Variants in MRPL49 observed in about 807,000 individuals in gnomAD.
MRPL49 encodes the protein large ribosomal subunit protein mL49.
In MRPL49, 14 loss-of-function variants were observed where a neutral mutation model predicts 18.4. The ratio of observed to expected loss-of-function variants is 0.76; its 90% CI spans 0.50 to 1.19. MRPL49 has a LOEUF of 1.19. Among genes scored for constraint, MRPL49 ranks in the 50% most tolerant of loss-of-function variants. The pLI, the probability that MRPL49 is intolerant of heterozygous loss-of-function variation, is 0.00. For missense variants in MRPL49, 190 were observed against 217.8 expected (o/e 0.87, Z 0.80); for synonymous variants, 104 against 86.2 (o/e 1.21, Z -1.14).
chr11:65,126,849 T>TC lies in MRPL49; in HGVS notation c.*982dup. 1 of 574,758 alleles carries TC rather than the reference T, an allele frequency of 1.7e-6. No individual in the cohort carries two copies. Among genetic ancestry groups the TC allele is most frequent in the Non-Finnish European group, 3.1e-6 (1 of 323,860 alleles). 35.6% of individuals were successfully genotyped at this position (574,758 alleles called of 1,614,324 possible). On this transcript the variant is annotated 3_prime_UTR_variant, in exon 4 of 4. Coordinates refer to ENST00000279242, the MANE Select transcript of MRPL49 (RefSeq NM_004927.4). The stretch of plus-strand genomic sequence containing the variant: ...GGAACTCACAGCCAGCATAGGGACA[T>TC]CCCCCTGCAGCCTTCTGACCTGCAA...
At chr11:65,122,644 A>G (rs936872365) in intron 1 of MRPL49, among the ~76,000 whole-genome samples, 24 of 151,992 alleles carry the variant, frequency 1.6e-4, no homozygotes, top group African/African-American at 4.8e-4. Flanking sequence ...CAGTGTCTAT[A>G]TAAGCCACAA....
chr11:65,122,360 T>A lies in MRPL49; in HGVS notation c.14T>A (p.Met5Lys). Residue 5 changes from methionine (M) to lysine (K), a missense_variant, in exon 1 of 4, where the codon ATG becomes AAG. Physicochemically the swap from Met to Lys is moderately conservative, Grantham distance 95 (BLOSUM62 -1). Transcript: ENST00000279242. MAATMFRATLRGWRT... is the reference protein window; with the variant it reads MAATKFRATLRGWRT... ...TAGCAGGTAAAGATGGCAGCTACCA[T>A]GTTCCGGGCTACGCTGCGGGGATGG... 6.2e-7 allele frequency: 1 copy of A among 1,612,962 alleles called. No individual in the cohort carries two copies. Among genetic ancestry groups the A allele is most frequent in the East Asian group, 2.2e-5 (1 of 44,846 alleles).
Position 65,126,076 on chromosome 11 carries a change from A to G in MRPL49, c.*204A>G. The G allele has an allele frequency of 1.9e-6, 1 of 525,956 alleles. No individual in the cohort carries two copies. The highest frequency in any genetic ancestry group is 3.3e-5 in the East Asian group (1 of 30,258). 32.6% of individuals were successfully genotyped at this position (525,956 alleles called of 1,614,324 possible). A position where few individuals can be genotyped will look rare whatever the true frequency, so the allele number is the denominator to read the frequency against. ...GGAGAGTGCCTAATGTGGGAGACCA[A>G]ATAGGGATCACCAGGCTAATGGGGG... is the stretch of plus-strand genomic sequence containing the variant. On this transcript the variant is annotated 3_prime_UTR_variant, in exon 4 of 4. Coordinates refer to ENST00000279242, the MANE Select transcript of MRPL49 (RefSeq NM_004927.4).
rs1210124814 is a variant in MRPL49 at position 65,126,124 on chromosome 11, C to G, written c.*252C>G. 2 of 407,354 alleles carry G rather than the reference C, an allele frequency of 4.9e-6. No homozygotes were observed. Among genetic ancestry groups the G allele is most frequent in the East Asian group, 8.6e-5 (2 of 23,324 alleles). The allele number at this position is 407,354 out of a possible 1,614,324, so 25.2% of individuals were successfully genotyped here. Reference sequence around the variant, plus strand: ...GGGGCGTCAGCAGCTTTCTCTCCCTCCTATCTTGGCCTGTTCTTTTTTGTT... The same window carrying G: ...GGGGCGTCAGCAGCTTTCTCTCCCTGCTATCTTGGCCTGTTCTTTTTTGTT... On this transcript the variant is annotated 3_prime_UTR_variant, in exon 4 of 4. Coordinates refer to ENST00000279242, the MANE Select transcript of MRPL49 (RefSeq NM_004927.4).
At chr11:65,122,506 G>A (rs1948062128) in intron 1 of MRPL49, 82 bp downstream of exon 1, 2 of 1,355,960 alleles carry the variant, frequency 1.5e-6, no homozygotes, top group Non-Finnish European at 2.0e-6. Flanking sequence ...GAAAACTAAG[G>A]CATTCCTACT....
At chr11:65,122,556 TC>T in intron 1 of MRPL49, 132 bp downstream of exon 1, 1 of 789,780 alleles carries the variant, frequency 1.3e-6, no homozygotes, top group Non-Finnish European at 2.0e-6. Flanking sequence ...GGAGAACTTG[TC>T]CCGAGTGTAC....
In MRPL49 at chr11:65,125,758, C is replaced by T. The variant is rs202100154; in HGVS notation, c.387C>T (p.Ser129=). 8.9e-4 allele frequency: 1,432 copies of T among 1,613,696 alleles called. 14 individuals carry two copies. The South Asian group carries it at 0.013, about 15-fold the overall frequency. Residue 129 remains serine (S), a synonymous_variant, in exon 4 of 4, where the codon AGC becomes AGT. Transcript: ENST00000279242. ...ALQKDVEDFL[S]PLLGKTPVTQ... Reference sequence around the variant, plus strand: ...AGAAAGACGTGGAAGATTTTCTGAGCCCGCTGCTGGGGAAGACACCTGTCA... The same window carrying T: ...AGAAAGACGTGGAAGATTTTCTGAGTCCGCTGCTGGGGAAGACACCTGTCA...
intron 1 of MRPL49, among the ~76,000 whole-genome samples, chr11:65,123,076 A>T (rs1455815534): frequency 6.6e-6 from 1 of 152,166 alleles, no homozygotes; most frequent in African/African-American, 2.4e-5. Flanking sequence ...CCCGTCACAG[A>T]TGTGATTAGG....
intron 1 of MRPL49, among the ~76,000 whole-genome samples, chr11:65,124,075 A>T (rs937355207): frequency 6.6e-6 from 1 of 151,986 alleles, no homozygotes; most frequent in African/African-American, 2.4e-5. Context: ...TTCAGTAGAG[A>T]TGGGGTTTCG....
rs970704813 is a variant in MRPL49, at chr11:65,127,233, G to A, written c.*1361G>A. 15 of 531,974 alleles carry A rather than the reference G, an allele frequency of 2.8e-5. No individual in the cohort carries two copies. Among genetic ancestry groups the A allele is most frequent in the Non-Finnish European group, 3.7e-5 (11 of 301,026 alleles). The allele number at this position is 531,974 out of a possible 1,614,324, so 33.0% of individuals were successfully genotyped here. A position where few individuals can be genotyped will look rare whatever the true frequency, so the allele number is the denominator to read the frequency against. On this transcript the variant is annotated 3_prime_UTR_variant, in exon 4 of 4. Transcript: ENST00000279242. ...TTTTCAAGTGTACAGCCACAGCAAG[G>A]AGCCCGACACTGATTTGATCGATTC...
rs1948099195 is a variant in MRPL49 at position 65,126,140 on chromosome 11, C to A, written c.*268C>A. ...TCTCTCCCTCCTATCTTGGCCTGTT[C>A]TTTTTTGTTTTTTGAGACGGAGTCT... On this transcript the variant is annotated 3_prime_UTR_variant, in exon 4 of 4. Transcript: ENST00000279242. 1.1e-5 allele frequency: 4 copies of A among 356,334 alleles called. No individual in the cohort carries two copies. The highest frequency in any genetic ancestry group is 2.1e-5 in the African/African-American group (1 of 47,174). The allele number at this position is 356,334 out of a possible 1,614,324, so 22.1% of individuals were successfully genotyped here.
intron 1 of MRPL49, among the ~76,000 whole-genome samples, chr11:65,122,706 T>G (rs1490101079): frequency 1.3e-5 from 2 of 149,382 alleles, no homozygotes; most frequent in Non-Finnish European, 3.0e-5. Context: ...TGGGGAATTA[T>G]GATTGCCTTA....
At chr11:65,124,238 T>G (rs1385435277) in intron 1 of MRPL49, among the ~76,000 whole-genome samples, 1 of 152,142 alleles carries the variant, frequency 6.6e-6, no homozygotes, top group Non-Finnish European at 1.5e-5. Flanking sequence ...AGGCTGTGGT[T>G]TTTGCAGTCT....
chr11:65,124,359 TTC>T, intron 1 of MRPL49, 141 bp from the exon 2 acceptor site: 3 of 823,320 alleles, frequency 3.6e-6, no homozygotes, highest in Non-Finnish European at 5.8e-6. Context: ...TCCATTTTGA[TTC>T]TGATAGCTTT....
intron 1 of MRPL49, among the ~76,000 whole-genome samples, chr11:65,124,193 A>G (rs1176270033): frequency 7.9e-5 from 12 of 152,070 alleles, no homozygotes; most frequent in Admixed American, 7.9e-4. Context: ...AGCCAGAAAT[A>G]TTTTTTTGTG....
chr11:65,125,211 AG>A (rs1948087999), intron 2 of MRPL49: 1 of 467,020 alleles, frequency 2.1e-6, no homozygotes, highest in East Asian at 4.3e-5. Flanking sequence ...GTTGGCCTAG[AG>A]GGGGACCCAA....
Position 65,122,392 on chromosome 11 carries a change from G to C in MRPL49, c.46G>C (p.Gly16Arg). The C allele has an allele frequency of 6.2e-7, 1 of 1,613,268 alleles. No individual in the cohort carries two copies. The highest frequency in any genetic ancestry group is 1.3e-5 in the African/African-American group (1 of 75,060). ...FRATLRGWRT[G>R]VQRGCGLRLL... is the part of the protein sequence containing the mutation. ...GGCTACGCTGCGGGGATGGAGAACC[G>C]GTGTCCAGCGGGGCTGCGGGCTACG... The change falls in exon 1 of 4, where the codon GGT (glycine) becomes CGT (arginine). Residue 16 changes from glycine to arginine, a missense_variant. Gly to Arg is a moderately radical substitution (Grantham distance 125). Coordinates refer to ENST00000279242, the MANE Select transcript of MRPL49 (RefSeq NM_004927.4).
Position 65,126,013 on chromosome 11 carries a change from T to C in MRPL49, c.*141T>C. ...AAAGGACTTTGGGGTCAGGCCTTGCTTGCATAAAGGAGAAAACAACTCTAT... is the reference window on the plus strand; with the variant it reads ...AAAGGACTTTGGGGTCAGGCCTTGCCTGCATAAAGGAGAAAACAACTCTAT... On this transcript the variant is annotated 3_prime_UTR_variant, in exon 4 of 4. Transcript: ENST00000279242. 9.9e-7 allele frequency: 1 copy of C among 1,005,028 alleles called. No individual in the cohort carries two copies. The highest frequency in any genetic ancestry group is 1.7e-5 in the South Asian group (1 of 57,632). The allele number at this position is 1,005,028 out of a possible 1,614,324, so 62.3% of individuals were successfully genotyped here.
At chr11:65,125,130 GC>G (rs2137225102) in intron 2 of MRPL49, 2 of 349,350 alleles carry the variant, frequency 5.7e-6, no homozygotes, top group Non-Finnish European at 5.3e-6. Flanking sequence ...GGTGCTCAGT[GC>G]TTGCAAATCC....
Sources: allele counts gnomAD v4.1 joint callset (sites outside exome capture counted in the v4.1 genomes callset), GRCh38; gene constraint gnomAD v4.1.1; transcripts MANE v1.5; gene names NCBI Gene and HGNC (gene_info 2026-07-23, HGNC 2026-07-21).